Variants in ASH2L observed in about 807,000 individuals in gnomAD.
ASH2L encodes the protein ASH2 like, histone lysine methyltransferase complex subunit.
Under a neutral mutation model 81.1 loss-of-function variants are expected in ASH2L, and 30 were observed. That is an observed-to-expected ratio of 0.37 (90% CI 0.28 to 0.50). ASH2L has a LOEUF of 0.50. Ranked by LOEUF, ASH2L falls within the 20% of genes least tolerant of loss-of-function variation. ASH2L has a pLI of 0.95. For missense variants in ASH2L, 559 were observed against 792.1 expected (o/e 0.71, Z 3.53); for synonymous variants, 273 against 279.9 (o/e 0.98, Z 0.24).
chr8:38,137,159 G>A (rs1802290334), intron 14 of ASH2L, among the ~76,000 whole-genome samples: 2 of 151,798 alleles, frequency 1.3e-5, no homozygotes, highest in South Asian at 4.1e-4. Context: ...CAGCACTTTG[G>A]TGGGAGGCCG....
intron 3 of ASH2L, among the ~76,000 whole-genome samples, chr8:38,107,904 GTATA>G (rs765233898): frequency 7.1e-6 from 1 of 139,920 alleles, no homozygotes; most frequent in African/African-American, 2.8e-5. Flanking sequence ...GTGTGTGTGT[GTATA>G]TGTATATATA....
intron 9 of ASH2L, among the ~76,000 whole-genome samples, chr8:38,119,664 G>A (rs1157037192): frequency 2.0e-5 from 3 of 151,988 alleles, no homozygotes; most frequent in Non-Finnish European, 4.4e-5. Context: ...AATTAGGCAG[G>A]TGTAGTGGTG....
At chr8:38,120,804 T>G in intron 9 of ASH2L, 128 bp from the exon 10 acceptor site, 1 of 712,254 alleles carries the variant, frequency 1.4e-6, no homozygotes, top group Non-Finnish European at 2.4e-6. Context: ...ATTTGAGTAA[T>G]GAGAAGTATT....
At chr8:38,132,478 G>A (rs1391664992) in intron 12 of ASH2L, among the ~76,000 whole-genome samples, 1 of 152,190 alleles carries the variant, frequency 6.6e-6, no homozygotes, top group Non-Finnish European at 1.5e-5. Flanking sequence ...CGGGGAAGAA[G>A]GTGACCTTCA....
chr8:38,128,202 A>G, intron 10 of ASH2L, 89 bp from the exon 11 acceptor site: 1 of 1,481,328 alleles, frequency 6.8e-7, no homozygotes, highest in South Asian at 1.2e-5. Context: ...TGATTTTTAA[A>G]TTGTTTTATT....
At chr8:38,116,590 T>G in intron 7 of ASH2L, 60 bp from the exon 8 acceptor site, 33 of 1,298,076 alleles carry the variant, frequency 2.5e-5, no homozygotes, top group Non-Finnish European at 3.2e-5. Context: ...TCTTGTTTTA[T>G]GAGCATCCAG....
Position 38,110,469 on chromosome 8 carries a change from T to A in ASH2L, c.490+2T>A. The A allele has an allele frequency of 2.5e-6, 4 of 1,610,036 alleles. No homozygotes were observed. Among genetic ancestry groups the A allele is most frequent in the Non-Finnish European group, 3.4e-6 (4 of 1,176,358 alleles). On this transcript the variant is annotated splice_donor_variant, in intron 4 of 15. Coordinates refer to ENST00000343823, the MANE Select transcript of ASH2L (RefSeq NM_004674.5). LOFTEE classifies it high-confidence loss of function. ...CCTATTTCCTCCGGAAGCAAGCAAG[T>A]AAGAACAAACTCTGGAGTATTTGAA...
At position 38,128,895 on chromosome 8, in the gene ASH2L, A is replaced by G. The variant is rs144867619; in HGVS notation, c.1471A>G (p.Asn491Asp). 4 of 1,614,038 alleles carry G rather than the reference A, an allele frequency of 2.5e-6. No homozygotes were observed. Among genetic ancestry groups the G allele is most frequent in the Non-Finnish European group, 3.4e-6 (4 of 1,179,972 alleles). Reference sequence around the variant, plus strand: ...GGGAGACGTCCTGGGATTTTATATTAATCTTCCTGAAGACACAGAGACAGC... The same window carrying G: ...GGGAGACGTCCTGGGATTTTATATTGATCTTCCTGAAGACACAGAGACAGC... ...GQGDVLGFYI[N>D]LPEDTETAKS... The change falls in exon 12 of 16, where the codon AAT becomes GAT. Residue 491 changes from asparagine (N) to aspartate (D), a missense_variant. Around this residue, in one of 4 missense-constraint regions of ASH2L, gnomAD observed 318 missense variants for 527.0 expected, o/e 0.60. Coordinates refer to ENST00000343823, the MANE Select transcript of ASH2L (RefSeq NM_004674.5).
intron 1 of ASH2L, 145 bp from the exon 2 acceptor site, chr8:38,106,233 C>G: frequency 1.5e-6 from 2 of 1,372,752 alleles, no homozygotes; most frequent in South Asian, 1.2e-5. Flanking sequence ...CTGACAGTAC[C>G]TTGGGCATCC....
At chr8:38,112,912 A>C (rs945419932) in intron 5 of ASH2L, among the ~76,000 whole-genome samples, 3 of 151,900 alleles carry the variant, frequency 2.0e-5, no homozygotes, top group African/African-American at 7.3e-5. Context: ...TCCCTTTTAA[A>C]TATCACTGTG....
rs764786801 is a variant in ASH2L, at chr8:38,122,752, A to G, written c.1165+1603A>G. ...TACAATATATTTACTTTATTTCAATATATTTATTTTGTTATAGAGATCAGA... is the reference window on the plus strand; with the variant it reads ...TACAATATATTTACTTTATTTCAATGTATTTATTTTGTTATAGAGATCAGA... On this transcript the variant is annotated intron_variant, in intron 10 of 15. Coordinates refer to ENST00000343823, the MANE Select transcript of ASH2L (RefSeq NM_004674.5). Among the ~76,000 whole-genome samples the G allele has an allele frequency of 2.4e-3, 371 of 152,196 alleles. 4 individuals carry two copies. The highest frequency in any genetic ancestry group is 3.7e-3 in the Non-Finnish European group (249 of 68,024).
intron 3 of ASH2L, among the ~76,000 whole-genome samples, chr8:38,108,284 A>G (rs1431294499): frequency 6.6e-6 from 1 of 152,234 alleles, no homozygotes; most frequent in South Asian, 2.1e-4. Flanking sequence ...AAAACACACT[A>G]GCTAAGCAAG....
chr8:38,121,868 C>T (rs1801643776), intron 10 of ASH2L, among the ~76,000 whole-genome samples: 1 of 152,174 alleles, frequency 6.6e-6, no homozygotes. Context: ...ATTCTGCTAG[C>T]TTTCTCCACT....
chr8:38,123,471 G>A (rs915160509), intron 10 of ASH2L, among the ~76,000 whole-genome samples: 16 of 152,152 alleles, frequency 1.1e-4, no homozygotes, highest in Admixed American at 5.2e-4. Flanking sequence ...TAGACTTGCC[G>A]TACTCAGTCC....
Position 38,105,542 on chromosome 8 carries a change from G to A in ASH2L, c.-9G>A, listed in dbSNP as rs559568518. 8 of 1,555,870 alleles carry A rather than the reference G, an allele frequency of 5.1e-6. No homozygotes were observed. The highest frequency in any genetic ancestry group is 1.4e-5 in the African/African-American group (1 of 72,612). On this transcript the variant is annotated 5_prime_UTR_variant, in exon 1 of 16. It adds an upstream start codon to the 5' untranslated region. Transcript: ENST00000343823. ...GAGTATTCTCGCGAGAAGTCCAGGG[G>A]TGGCCGTGATGGCGGCGGCAGGAGC...
intron 12 of ASH2L, among the ~76,000 whole-genome samples, chr8:38,130,993 T>G (rs1479335698): frequency 6.6e-6 from 1 of 152,252 alleles, no homozygotes; most frequent in African/African-American, 2.4e-5. Flanking sequence ...ATGCCTTTAT[T>G]GAAAATCAGA....
At chr8:38,138,731 A>C in intron 14 of ASH2L, 85 bp from the exon 15 acceptor site, 2 of 1,160,692 alleles carry the variant, frequency 1.7e-6, no homozygotes, top group African/African-American at 3.0e-5. Flanking sequence ...GCCACATTTA[A>C]AGTGAAAATT....
chr8:38,121,274 A>G (rs1361522441), intron 10 of ASH2L, 125 bp downstream of exon 10: 4 of 692,886 alleles, frequency 5.8e-6, no homozygotes, highest in African/African-American at 5.5e-5. Context: ...ATCTCTGTCT[A>G]GATTCATCCA....
chr8:38,128,978 C>G (rs760793907), intron 12 of ASH2L, 27 bp downstream of exon 12: 4 of 1,600,036 alleles, frequency 2.5e-6, no homozygotes, highest in Admixed American at 1.7e-5. Context: ...CCGGCAGATT[C>G]CTGGCTTTGA....
Sources: allele counts gnomAD v4.1 joint callset (sites outside exome capture counted in the v4.1 genomes callset), GRCh38; gene constraint gnomAD v4.1.1; regional missense constraint gnomAD v4.1.1; transcripts MANE v1.5; gene names NCBI Gene and HGNC (gene_info 2026-07-23, HGNC 2026-07-21).